The following ITFG1 variants were observed in gnomAD, a reference collection of about 807,000 sequenced individuals.
ITFG1 encodes T-cell immunomodulatory protein.
Under a neutral mutation model 81.8 loss-of-function variants are expected in ITFG1, and 34 were observed. The ratio of observed to expected loss-of-function variants is 0.42; its 90% CI spans 0.32 to 0.55. The LOEUF is 0.55. Ranked by LOEUF, ITFG1 falls within the 20% of genes least tolerant of loss-of-function variation. The probability of loss-of-function intolerance (pLI) is 0.17; values close to 1 mark genes in which losing one functional copy is unlikely to be tolerated. For missense variants in ITFG1, 672 were observed against 755.4 expected, an observed-to-expected ratio of 0.89 and a Z score of 1.29; for synonymous variants, 285 against 270.6, an observed-to-expected ratio of 1.05 and a Z score of -0.52.
chr16:47,239,431 C>T (rs1469504251), intron 12 of ITFG1, among the ~76,000 whole-genome samples: 2 of 152,052 alleles, frequency 1.3e-5, no homozygotes, highest in African/African-American at 4.8e-5. Context: ...AATCTCTTGA[C>T]CTTGTGATCC....
chr16:47,236,263 C>A (rs1200469817), intron 13 of ITFG1, among the ~76,000 whole-genome samples: 1 of 152,054 alleles, frequency 6.6e-6, no homozygotes, highest in Non-Finnish European at 1.5e-5. Flanking sequence ...ATCACGAGGT[C>A]AGGAGATCGA....
At chr16:47,193,431 T>A (rs1965317118) in intron 14 of ITFG1, among the ~76,000 whole-genome samples, 1 of 152,172 alleles carries the variant, frequency 6.6e-6, no homozygotes, top group Admixed American at 6.5e-5. Flanking sequence ...TTTATTGACA[T>A]CTTTAAAACG....
chr16:47,305,550 A>G (rs1967145092), intron 10 of ITFG1, among the ~76,000 whole-genome samples: 1 of 152,190 alleles, frequency 6.6e-6, no homozygotes, highest in Non-Finnish European at 1.5e-5. Flanking sequence ...AATAACAAAT[A>G]GAAATTTACA....
intron 8 of ITFG1, among the ~76,000 whole-genome samples, chr16:47,361,807 C>T (rs1968113179): frequency 6.6e-6 from 1 of 152,126 alleles, no homozygotes; most frequent in African/African-American, 2.4e-5. Flanking sequence ...TTAGTATCTG[C>T]CGATGGTTTC....
chr16:47,246,695 A>G (rs1018718917), intron 12 of ITFG1, among the ~76,000 whole-genome samples: 2 of 152,198 alleles, frequency 1.3e-5, no homozygotes, highest in Middle Eastern at 3.2e-3. Flanking sequence ...GTAGGAAAAT[A>G]TGTCTTTAGC....
At chr16:47,384,356 C>T (rs1448782506) in intron 6 of ITFG1, among the ~76,000 whole-genome samples, 2 of 152,174 alleles carry the variant, frequency 1.3e-5, no homozygotes, top group African/African-American at 4.8e-5. Context: ...AACTGAAAAT[C>T]AAACCTCTAA....
chr16:47,415,792 T>C (rs1389394251), intron 6 of ITFG1, among the ~76,000 whole-genome samples: 2 of 152,050 alleles, frequency 1.3e-5, no homozygotes, highest in African/African-American at 4.8e-5. Context: ...AAGATAAGTG[T>C]TTCACCTCTT....
At chr16:47,286,204 C>T (rs951140289) in intron 10 of ITFG1, among the ~76,000 whole-genome samples, 2 of 152,206 alleles carry the variant, frequency 1.3e-5, no homozygotes, top group African/African-American at 4.8e-5. Flanking sequence ...CAATCTATCC[C>T]ACAGGAAGCT....
chr16:47,155,747 G>A lies in ITFG1; in HGVS notation c.1811C>T (p.Ala604Val). The A allele has an allele frequency of 6.2e-7, 1 of 1,606,736 alleles. No individual in the cohort carries two copies. The highest frequency in any genetic ancestry group is 2.3e-5 in the East Asian group (1 of 44,300). ...KADDREKRQE[A>V]HRFHFDAM ...CATAGCATCAAAATGAAACCGGTGG[G>A]CTTCTTGTCGTTTTTCTCTATCATC... Residue 604 changes from alanine to valine, a missense_variant, in exon 18 of 18, where the codon GCC becomes GTC. Coordinates refer to ENST00000320640, the MANE Select transcript of ITFG1 (RefSeq NM_030790.5).
At chr16:47,320,583 T>G (rs193187940) in intron 8 of ITFG1, among the ~76,000 whole-genome samples, 1 of 152,366 alleles carries the variant, frequency 6.6e-6, no homozygotes, top group East Asian at 1.9e-4. Context: ...TAAATCTCTT[T>G]CACTTTGTCT....
chr16:47,176,761 T>C (rs1291323705), intron 14 of ITFG1, among the ~76,000 whole-genome samples: 2 of 152,204 alleles, frequency 1.3e-5, no homozygotes, highest in African/African-American at 4.8e-5. Context: ...AAAGAGACTG[T>C]GTTCCAAGTA....
intron 13 of ITFG1, among the ~76,000 whole-genome samples, chr16:47,222,509 G>T (rs1360908981): frequency 1.3e-5 from 2 of 151,554 alleles, no homozygotes; most frequent in South Asian, 2.1e-4. Flanking sequence ...CGCCTCCCAG[G>T]TTCACGCCAT....
chr16:47,409,643 T>G (rs1215241862), intron 6 of ITFG1, among the ~76,000 whole-genome samples: 1 of 150,330 alleles, frequency 6.7e-6, no homozygotes. Context: ...GGTCTCGATC[T>G]CCTGACCTTG....
At chr16:47,433,853 A>C (rs1253640843) in intron 5 of ITFG1, among the ~76,000 whole-genome samples, 1 of 110,318 alleles carries the variant, frequency 9.1e-6, no homozygotes, top group Non-Finnish European at 1.8e-5. Flanking sequence ...ATAAATAAAA[A>C]CTGAATATAT....
chr16:47,384,230 T>A (rs1470466173), intron 6 of ITFG1, among the ~76,000 whole-genome samples: 1 of 152,210 alleles, frequency 6.6e-6, no homozygotes, highest in Non-Finnish European at 1.5e-5. Context: ...CAGACTGAAC[T>A]GCAAAACATG....
intron 7 of ITFG1, among the ~76,000 whole-genome samples, chr16:47,375,469 T>A (rs1968311458): frequency 6.6e-6 from 1 of 151,986 alleles, no homozygotes; most frequent in African/African-American, 2.4e-5. Context: ...GGCAGTAAGT[T>A]TGGTGTTTGT....
chr16:47,215,832 T>A (rs1965618564), intron 14 of ITFG1, among the ~76,000 whole-genome samples: 1 of 152,216 alleles, frequency 6.6e-6, no homozygotes, highest in African/African-American at 2.4e-5. Flanking sequence ...TTTTCAAGTT[T>A]GTGAGGGCTT....
intron 14 of ITFG1, among the ~76,000 whole-genome samples, chr16:47,216,818 C>T (rs774543413): frequency 9.2e-5 from 14 of 151,840 alleles, no homozygotes; most frequent in South Asian, 2.1e-4. Context: ...ACCGCCACCA[C>T]GTGCAGCTTT....
At chr16:47,409,466 C>T (rs34136942) in intron 6 of ITFG1, among the ~76,000 whole-genome samples, 18 of 115,234 alleles carry the variant, frequency 1.6e-4, no homozygotes, top group East Asian at 3.0e-4. Context: ...CCCAGGCTGG[C>T]GTGCAGTGGC....
Sources: gnomAD v4.1 joint callset for allele counts (sites outside exome capture counted in the v4.1 genomes callset) on GRCh38, gnomAD v4.1.1 for gene constraint, MANE v1.5 for transcripts, NCBI Gene and HGNC (gene_info 2026-07-23, HGNC 2026-07-21) for gene names.